Variants in DCAF11 observed in about 807,000 individuals in gnomAD.
DCAF11 encodes DDB1- and CUL4-associated factor 11.
DCAF11 carries 44 observed loss-of-function variants against 76.1 expected under a neutral mutation model. The observed-to-expected ratio is 0.58, with a 90% CI of 0.45 to 0.74. The LOEUF is 0.74. Among genes scored for constraint, DCAF11 ranks in the 30% least tolerant of loss-of-function variants. The pLI, the probability that DCAF11 is intolerant of heterozygous loss-of-function variation, is 0.00. For missense variants in DCAF11, 604 were observed against 709.4 expected (o/e 0.85, Z 1.69); for synonymous variants, 258 against 255.0 (o/e 1.01, Z -0.11).
chr14:24,120,252 A>C (rs12435994), intron 11 of DCAF11, among the ~76,000 whole-genome samples: 53,341 of 151,464 alleles, frequency 0.35, 9,963 homozygotes, highest in East Asian at 0.63. Flanking sequence ...TATTTAAAAA[A>C]AAAAACAAAA....
rs2037760080 is a variant in DCAF11, at chr14:24,125,180, C to G, written c.*1871C>G. The G allele has an allele frequency of 6.6e-6, 1 of 152,176 alleles. No homozygotes were observed. Among genetic ancestry groups the G allele is most frequent in the South Asian group, 2.1e-4 (1 of 4,824 alleles). 9.4% of individuals were successfully genotyped at this position (152,176 alleles called of 1,614,324 possible). On this transcript the variant is annotated 3_prime_UTR_variant, in exon 15 of 15. Coordinates refer to ENST00000446197, the MANE Select transcript of DCAF11 (RefSeq NM_025230.5). ...GAGCCGTGATTGTGCCAATGTACTC[C>G]AGCCTAGGTGACAGAGTGAGACCCT... is the stretch of plus-strand genomic sequence containing the variant.
chr14:24,118,035 CT>C lies in DCAF11; in HGVS notation c.477-17del. On this transcript the variant is annotated intron_variant, in intron 5 of 14. Coordinates refer to ENST00000446197, the MANE Select transcript of DCAF11 (RefSeq NM_025230.5). ...TTATCCTGAGCACCCCTCACCCTCA[CT>C]TTCTCTCTCCTTCCCTAGCTTCTTG... The C allele has an allele frequency of 6.4e-7, 1 of 1,574,282 alleles. No homozygotes were observed. Among genetic ancestry groups the C allele is most frequent in the Non-Finnish European group, 8.7e-7 (1 of 1,151,170 alleles).
intron 9 of DCAF11, 163 bp downstream of exon 9, chr14:24,119,376 C>A: frequency 8.4e-7 from 1 of 1,194,822 alleles, no homozygotes; most frequent in Non-Finnish European, 1.2e-6. Flanking sequence ...TCCATTTCCC[C>A]AGCACGAGAT....
rs1327540348 is a variant in DCAF11 at position 24,118,589 on chromosome 14, T to C, written c.724+55T>C. The C allele has an allele frequency of 1.4e-5, 22 of 1,604,326 alleles. No homozygotes were observed. The East Asian group carries it at 4.9e-4, about 36-fold the overall frequency. ...TCCAGCCTGGGACCTGAGGTTTCCATGTGCCTGTCCCCTCTGAGCCAGGAT... is the reference window on the plus strand; with the variant it reads ...TCCAGCCTGGGACCTGAGGTTTCCACGTGCCTGTCCCCTCTGAGCCAGGAT... On this transcript the variant is annotated intron_variant, in intron 7 of 14. Coordinates refer to ENST00000446197, the MANE Select transcript of DCAF11 (RefSeq NM_025230.5).
intron 2 of DCAF11, among the ~76,000 whole-genome samples, chr14:24,116,531 G>A (rs973799752): frequency 6.6e-6 from 1 of 152,174 alleles, no homozygotes; most frequent in Non-Finnish European, 1.5e-5. Context: ...TTAGAATATT[G>A]TCTTCTGTGG....
At position 24,123,203 on chromosome 14, in the gene DCAF11, A is replaced by G; in HGVS notation, c.1535A>G (p.Tyr512Cys). The G allele has an allele frequency of 6.2e-7, 1 of 1,601,954 alleles. No homozygotes were observed. The highest frequency in any genetic ancestry group is 8.5e-7 in the Non-Finnish European group (1 of 1,172,734). Residue 512 changes from tyrosine to cysteine, a missense_variant, in exon 15 of 15, where the codon TAC (tyrosine) becomes TGC (cysteine). Coordinates refer to ENST00000446197, the MANE Select transcript of DCAF11 (RefSeq NM_025230.5). Reference protein sequence around the residue: ...SWDGNLRLWQYRQAEYFQDDM... With the variant: ...SWDGNLRLWQCRQAEYFQDDM... ...GACGGGAACCTGCGTCTGTGGCAGT[A>G]CCGCCAGGCTGAGTACTTCCAGGAT...
chr14:24,118,630 G>C (rs2037628795), intron 7 of DCAF11, 96 bp downstream of exon 7: 2 of 1,595,310 alleles, frequency 1.3e-6, no homozygotes, highest in East Asian at 4.5e-5. Context: ...ACTTTGTCCT[G>C]GGAAAATCAC....
Position 24,117,656 on chromosome 14 carries a change from C to T in DCAF11, c.412-12C>T, listed in dbSNP as rs2037607767. On this transcript the variant is annotated splice_polypyrimidine_tract_variant and intron_variant, in intron 4 of 14. Coordinates refer to ENST00000446197, the MANE Select transcript of DCAF11 (RefSeq NM_025230.5). This position sits in a 1 kb window ranked among gnomAD's most constrained non-coding sequence, Gnocchi z 4.3. ...TTTCTGCTAGCAATATTCCCCAATC[C>T]CTTCCATTTAGAGAGAACGGGGCCT... 6.2e-7 allele frequency: 1 copy of T among 1,613,336 alleles called. No individual in the cohort carries two copies. Among genetic ancestry groups the T allele is most frequent in the Non-Finnish European group, 8.5e-7 (1 of 1,179,510 alleles).
Position 24,119,782 on chromosome 14 carries a change from G to T in DCAF11, c.978G>T (p.Gly326=). The T allele has an allele frequency of 6.2e-7, 1 of 1,614,214 alleles. No individual in the cohort carries two copies. Among genetic ancestry groups the T allele is most frequent in the Non-Finnish European group, 8.5e-7 (1 of 1,180,036 alleles). Residue 326 remains glycine, a synonymous_variant, in exon 11 of 15, where the codon GGG becomes GGT. Transcript: ENST00000446197. ...ADISSQILFS[G]GDDAICKVWD... The stretch of plus-strand genomic sequence containing the variant: ...TAAGCTCCCAAATCCTGTTCTCTGG[G>T]GGAGATGATGCCATCTGCAAAGTGT...
At position 24,119,829 on chromosome 14, in the gene DCAF11, A is replaced by G; in HGVS notation, c.1025A>G (p.Glu342Gly). 2 of 1,614,200 alleles carry G rather than the reference A, an allele frequency of 1.2e-6. No homozygotes were observed. The highest frequency in any genetic ancestry group is 1.7e-6 in the Non-Finnish European group (2 of 1,180,026). Reference sequence around the variant, plus strand: ...GTGTGGGATCGACGCACCATGCGGGAGGATGACCCCAAGCCTGTGGGTGCA... The same window carrying G: ...GTGTGGGATCGACGCACCATGCGGGGGGATGACCCCAAGCCTGTGGGTGCA... Reference protein sequence around the residue: ...CKVWDRRTMREDDPKPVGALA... With the variant: ...CKVWDRRTMRGDDPKPVGALA... The change falls in exon 11 of 15, where the codon GAG (glutamate) becomes GGG (glycine). Residue 342 changes from glutamate to glycine, a missense_variant. Transcript: ENST00000446197.
Position 24,124,883 on chromosome 14 carries a change from A to T in DCAF11, c.*1574A>T, listed in dbSNP as rs2037752853. The T allele has an allele frequency of 6.6e-6, 1 of 152,216 alleles. No homozygotes were observed. The highest frequency in any genetic ancestry group is 2.4e-5 in the African/African-American group (1 of 41,442). 9.4% of individuals were successfully genotyped at this position (152,216 alleles called of 1,614,324 possible). ...ATGGTGGAACCCAATCTCTACTAAAAATACAAAAAAACTAGCCGGATATGG... is the reference window on the plus strand; with the variant it reads ...ATGGTGGAACCCAATCTCTACTAAATATACAAAAAAACTAGCCGGATATGG... On this transcript the variant is annotated 3_prime_UTR_variant, in exon 15 of 15. Transcript: ENST00000446197.
rs1039837928 is a variant in DCAF11, at chr14:24,117,598, G to C, written c.412-70G>C. On this transcript the variant is annotated intron_variant, in intron 4 of 14. Transcript: ENST00000446197. The surrounding 1 kb of genome is among the most constrained non-coding windows in gnomAD (Gnocchi z 4.3). ...TATAACAAGAGCAATATCTTTGGAGGAGGGGGCTTGATATGGCTGAAGTGG... is the reference window on the plus strand; with the variant it reads ...TATAACAAGAGCAATATCTTTGGAGCAGGGGGCTTGATATGGCTGAAGTGG... 7.2e-5 allele frequency: 113 copies of C among 1,565,322 alleles called. No homozygotes were observed. In the African/African-American group the frequency reaches 1.3e-3, roughly 17 times the overall value.
chr14:24,117,720 G>A lies in DCAF11; in HGVS notation c.464G>A (p.Arg155Gln), dbSNP rs145438429. 4.0e-5 allele frequency: 64 copies of A among 1,614,122 alleles called. No individual in the cohort carries two copies. In the African/African-American group the frequency reaches 5.7e-4, roughly 14 times the overall value. Residue 155 changes from arginine to glutamine, a missense_variant, in exon 5 of 15, where the codon CGA (arginine) becomes CAA (glutamine). By Grantham distance (43) the Arg-to-Gln change is conservative. Coordinates refer to ENST00000446197, the MANE Select transcript of DCAF11 (RefSeq NM_025230.5). The surrounding 1 kb of genome is among the most constrained non-coding windows in gnomAD (Gnocchi z 4.3). ...RGSFSLGEQS[R>Q]VISHFLPNDL... ...AGCTTCTCCCTTGGAGAACAGTCTC[G>A]AGTGATATCTCAGTGAGTATGGGGC... is the stretch of plus-strand genomic sequence containing the variant.
At chr14:24,121,286 A>C in intron 12 of DCAF11, 79 bp from the exon 13 acceptor site, 1 of 1,571,342 alleles carries the variant, frequency 6.4e-7, no homozygotes, top group Non-Finnish European at 8.7e-7. Context: ...TGGGCATCGA[A>C]CCTTGCTCAG....
chr14:24,122,829 C>T, intron 13 of DCAF11, 142 bp from the exon 14 acceptor site: 1 of 679,374 alleles, frequency 1.5e-6, no homozygotes, highest in South Asian at 1.9e-5. Flanking sequence ...AGAAATAACA[C>T]AGTCTTCTGG....
chr14:24,119,123 C>T, intron 8 of DCAF11, 22 bp from the exon 9 acceptor site: 1 of 1,614,192 alleles, frequency 6.2e-7, no homozygotes, highest in Non-Finnish European at 8.5e-7. Context: ...GTCCACTTAA[C>T]CCAGCTCCTT....
At chr14:24,120,703 A>G in intron 11 of DCAF11, 135 bp from the exon 12 acceptor site, 1 of 1,125,446 alleles carries the variant, frequency 8.9e-7, no homozygotes, top group Non-Finnish European at 1.3e-6. Flanking sequence ...GCTGGAAATG[A>G]GTTCACCTGG....
At position 24,124,270 on chromosome 14, in the gene DCAF11, C is replaced by G. The variant is rs1468403642; in HGVS notation, c.*961C>G. 6.6e-6 allele frequency: 1 copy of G among 152,270 alleles called. No homozygotes were observed. Among genetic ancestry groups the G allele is most frequent in the Admixed American group, 6.5e-5 (1 of 15,286 alleles). The allele number at this position is 152,270 out of a possible 1,614,324, so 9.4% of individuals were successfully genotyped here. On this transcript the variant is annotated 3_prime_UTR_variant, in exon 15 of 15. Coordinates refer to ENST00000446197, the MANE Select transcript of DCAF11 (RefSeq NM_025230.5). Reference sequence around the variant, plus strand: ...TGCAAGTAGATATCGAGAGAGCACACTTTCCATTAGAGCCTGGTAATACCC... The same window carrying G: ...TGCAAGTAGATATCGAGAGAGCACAGTTTCCATTAGAGCCTGGTAATACCC...
At position 24,119,825 on chromosome 14, in the gene DCAF11, C is replaced by G; in HGVS notation, c.1021C>G (p.Arg341Gly). The G allele has an allele frequency of 6.2e-7, 1 of 1,614,114 alleles. No homozygotes were observed. Among genetic ancestry groups the G allele is most frequent in the South Asian group, 1.1e-5 (1 of 91,076 alleles). The change falls in exon 11 of 15, where the codon CGG (arginine) becomes GGG (glycine). Residue 341 changes from arginine to glycine, a missense_variant. Coordinates refer to ENST00000446197, the MANE Select transcript of DCAF11 (RefSeq NM_025230.5). ...ICKVWDRRTM[R>G]EDDPKPVGAL... ...CAAAGTGTGGGATCGACGCACCATG[C>G]GGGAGGATGACCCCAAGCCTGTGGG...
Sources: allele counts gnomAD v4.1 joint callset (sites outside exome capture counted in the v4.1 genomes callset), GRCh38; gene constraint gnomAD v4.1.1; non-coding constraint Gnocchi (gnomAD v3.1); transcripts MANE v1.5; gene names NCBI Gene and HGNC (gene_info 2026-07-23, HGNC 2026-07-21).